The following DENND5A variants were observed in gnomAD, a reference collection of about 807,000 sequenced individuals.
The protein encoded by DENND5A is DENN domain-containing protein 5A.
A neutral mutation model predicts 140.3 loss-of-function variants in DENND5A; 64 were observed. The observed-to-expected ratio is 0.46, with a 90% CI of 0.37 to 0.56. The LOEUF (loss-of-function observed/expected upper bound fraction) is 0.56. DENND5A is among the 20% of genes least tolerant of loss of function. The pLI is 0.00. For synonymous variants in DENND5A, 605 were observed against 607.7 expected (o/e 1.00, Z 0.07); for missense variants, 1,292 against 1,593.8 (o/e 0.81, Z 3.22).
At chr11:9,232,373 G>C (rs1850809164) in intron 1 of DENND5A, among the ~76,000 whole-genome samples, 1 of 151,660 alleles carries the variant, frequency 6.6e-6, no homozygotes, top group South Asian at 2.1e-4. Flanking sequence ...ATAAAGAACT[G>C]CATTAAATCA....
chr11:9,232,254 A>C (rs1850804001), intron 1 of DENND5A, among the ~76,000 whole-genome samples: 1 of 152,178 alleles, frequency 6.6e-6, no homozygotes, highest in Admixed American at 6.6e-5. Flanking sequence ...ACAATTTAAA[A>C]CTTTTGTTCC....
intron 5 of DENND5A, among the ~76,000 whole-genome samples, chr11:9,192,240 G>C (rs1849151547): frequency 6.6e-6 from 1 of 152,190 alleles, no homozygotes; most frequent in Non-Finnish European, 1.5e-5. Context: ...ATGCTGCCCA[G>C]TCATGACCAG....
intron 22 of DENND5A, among the ~76,000 whole-genome samples, chr11:9,141,557 G>C (rs900051457): frequency 1.3e-5 from 2 of 152,102 alleles, no homozygotes; most frequent in African/African-American, 4.8e-5. Flanking sequence ...ACTTCTCCTG[G>C]AGCTTCCTGC....
intron 1 of DENND5A, among the ~76,000 whole-genome samples, chr11:9,259,965 T>C (rs562726482): frequency 4.3e-4 from 60 of 139,314 alleles, no homozygotes; most frequent in South Asian, 3.8e-3. Flanking sequence ...CAGGCAGAGG[T>C]TGCAGTGAGC....
rs1040443395 is a variant in DENND5A at position 9,218,459 on chromosome 11, G to A, written c.110-10827C>T. ...GCTTAGGCTCAGCTCATGCTTAGGC[G>A]GGATGCAGTGGCTCCCAGCTCTTTG... On this transcript the variant is annotated intron_variant, in intron 1 of 22. Transcript: ENST00000328194. 1.6e-4 allele frequency among the ~76,000 whole-genome samples: 24 copies of A among 152,220 alleles called. 1 individual carries two copies. The highest frequency in any genetic ancestry group is 5.3e-4 in the African/African-American group (22 of 41,534).
intron 1 of DENND5A, among the ~76,000 whole-genome samples, chr11:9,248,377 A>G (rs1233953290): frequency 6.6e-6 from 1 of 151,776 alleles, no homozygotes; most frequent in Non-Finnish European, 1.5e-5. Flanking sequence ...GAGGTTGGCC[A>G]TGCCTCATTA....
Position 9,255,309 on chromosome 11 carries a change from G to A in DENND5A, c.109+9652C>T, listed in dbSNP as rs184066257. Among the ~76,000 whole-genome samples the A allele has an allele frequency of 1.6e-3, 251 of 152,242 alleles. 1 individual carries two copies. The highest frequency in any genetic ancestry group is 2.7e-3 in the Non-Finnish European group (183 of 68,014). On this transcript the variant is annotated intron_variant, in intron 1 of 22. Coordinates refer to ENST00000328194, the MANE Select transcript of DENND5A (RefSeq NM_015213.4). ...GGCAGTCTCTCAAAAGGTTAAACAC[G>A]GCCGGGCGCGGTGGCTCACGCCTGT...
At position 9,139,462 on chromosome 11, in the gene DENND5A, C is replaced by G. The variant is rs769119532; in HGVS notation, c.*209G>C. On this transcript the variant is annotated 3_prime_UTR_variant, in exon 23 of 23. Transcript: ENST00000328194. ...CACCAGCCTCGCTCCCTCTCCCTAT[C>G]ACTCTTTCACATGAAAGTGTGTAAA... is the stretch of plus-strand genomic sequence containing the variant. 1 of 568,906 alleles carries G rather than the reference C, an allele frequency of 1.8e-6. No individual in the cohort carries two copies. Among genetic ancestry groups the G allele is most frequent in the Non-Finnish European group, 3.1e-6 (1 of 323,572 alleles). The allele number at this position is 568,906 out of a possible 1,614,324, so 35.2% of individuals were successfully genotyped here.
At chr11:9,140,137 A>T (rs978755394) in intron 22 of DENND5A, 1 of 1,436,086 alleles carries the variant, frequency 7.0e-7, no homozygotes, top group African/African-American at 1.4e-5. Context: ...TGTCTCCCAG[A>T]GCTTCTCTCC....
intron 1 of DENND5A, chr11:9,242,477 A>G (rs1319497747): frequency 6.6e-6 from 1 of 152,176 alleles, no homozygotes; most frequent in East Asian, 1.9e-4. Context: ...ACATCTTTGC[A>G]AACAAGTGCC....
At chr11:9,264,914 G>T in intron 1 of DENND5A, 47 bp downstream of exon 1, 2 of 1,467,626 alleles carry the variant, frequency 1.4e-6, no homozygotes, top group South Asian at 1.2e-5. Context: ...TGGGGTCCCC[G>T]ACGACAGCGG....
At chr11:9,155,148 A>T (rs1847762638) in intron 12 of DENND5A, among the ~76,000 whole-genome samples, 1 of 141,508 alleles carries the variant, frequency 7.1e-6, no homozygotes, top group African/African-American at 2.6e-5. Context: ...GACTCCATTT[A>T]AAAAAAAAAA....
chr11:9,260,544 C>T (rs1163040656), intron 1 of DENND5A, among the ~76,000 whole-genome samples: 1 of 151,532 alleles, frequency 6.6e-6, no homozygotes, highest in African/African-American at 2.5e-5. Context: ...GCTTACCTAA[C>T]TGACAAGTTC....
At chr11:9,189,201 C>T (rs748181893) in intron 5 of DENND5A, among the ~76,000 whole-genome samples, 12 of 152,198 alleles carry the variant, frequency 7.9e-5, no homozygotes, top group Non-Finnish European at 1.3e-4. Context: ...GCAGCTTCCA[C>T]GTGGTATTGA....
intron 8 of DENND5A, among the ~76,000 whole-genome samples, chr11:9,173,192 CA>C (rs933144672): frequency 6.6e-6 from 1 of 151,946 alleles, no homozygotes; most frequent in African/African-American, 2.4e-5. Flanking sequence ...AAATACCTTT[CA>C]AAGACAAAAG....
At chr11:9,216,864 C>T (rs550046014) in intron 1 of DENND5A, among the ~76,000 whole-genome samples, 1 of 152,080 alleles carries the variant, frequency 6.6e-6, no homozygotes, top group South Asian at 2.1e-4. Flanking sequence ...GAACAAGAGC[C>T]TATCTCAAAA....
chr11:9,217,106 A>G lies in DENND5A; in HGVS notation c.110-9474T>C, dbSNP rs568742366. Among the ~76,000 whole-genome samples, 12 of 152,354 alleles carry G rather than the reference A, an allele frequency of 7.9e-5. No individual in the cohort carries two copies. The South Asian group carries it at 2.5e-3, about 32-fold the overall frequency. On this transcript the variant is annotated intron_variant, in intron 1 of 22. Transcript: ENST00000328194. ...GATGAATGAAATGTATAATAATACA[A>G]TGGAACATTATTCAGCCATAAAAAA...
At chr11:9,150,885 A>G (rs10769995) in intron 13 of DENND5A, 121 bp from the exon 14 acceptor site, 178,448 of 507,204 alleles carry the variant, frequency 0.35, 34,422 homozygotes, top group African/African-American at 0.62. Context: ...GTAACACTTT[A>G]ATTGATTGTT....
intron 4 of DENND5A, among the ~76,000 whole-genome samples, chr11:9,201,392 A>T (rs1014645192): frequency 6.6e-5 from 10 of 150,982 alleles, no homozygotes; most frequent in African/African-American, 4.9e-5. Context: ...AAAAAAAAAA[A>T]TTTTAAGGCT....
Sources: gnomAD v4.1 joint callset for allele counts (sites outside exome capture counted in the v4.1 genomes callset) on GRCh38, gnomAD v4.1.1 for gene constraint, MANE v1.5 for transcripts, NCBI Gene and HGNC (gene_info 2026-07-23, HGNC 2026-07-21) for gene names.